Variants in RBFOX1 observed in about 807,000 individuals in gnomAD.
RBFOX1 encodes RNA binding protein fox-1 homolog 1.
A neutral mutation model predicts 57.7 loss-of-function variants in RBFOX1; 8 were observed. The observed-to-expected ratio is 0.14, with a 90% confidence interval of 0.08 to 0.25. The LOEUF (loss-of-function observed/expected upper bound fraction) is 0.25. RBFOX1 is among the 10% of genes least tolerant of loss of function. The pLI, the probability that RBFOX1 is intolerant of heterozygous loss-of-function variation, is 1.00. For synonymous variants in RBFOX1, 326 were observed against 222.4 expected (o/e 1.47, Z -4.15); for missense variants, 611 against 548.5 (o/e 1.11, Z -1.14).
At chr16:6,650,902 ATTGG>A (rs1323079623) in intron 2 of RBFOX1, among the ~76,000 whole-genome samples, 1 of 151,886 alleles carries the variant, frequency 6.6e-6, no homozygotes, top group Non-Finnish European at 1.5e-5. Flanking sequence ...TGTTTAATTG[ATTGG>A]TTGGTTGTTT....
At position 6,950,930 on chromosome 16, in the gene RBFOX1, G is replaced by C. The variant is rs533657456; in HGVS notation, c.-15-101127G>C. Among the ~76,000 whole-genome samples, 155 of 149,474 alleles carry C rather than the reference G, an allele frequency of 1.0e-3. 1 individual carries two copies. Among genetic ancestry groups the C allele is most frequent in the African/African-American group, 3.6e-3 (147 of 40,554 alleles). Reference sequence around the variant, plus strand: ...TCTTTCTCTCTTTTTTTTTGACATAGGATCTTGCTCTGTTTCTCAGGCTGG... The same window carrying C: ...TCTTTCTCTCTTTTTTTTTGACATACGATCTTGCTCTGTTTCTCAGGCTGG... On this transcript the variant is annotated intron_variant, in intron 3 of 15. Transcript: ENST00000550418.
Position 6,931,296 on chromosome 16 carries a change from T to TCTATCTAC in RBFOX1, c.-15-120754_-15-120753insCCTATCTA, listed in dbSNP as rs1172251574. ...ATCTATCTATCTGTCTGTCTGTCTG[T>TCTATCTAC]CTATCTATCTATCTATCTATCTATC... On this transcript the variant is annotated intron_variant, in intron 3 of 15. Coordinates refer to ENST00000550418, the MANE Select transcript of RBFOX1 (RefSeq NM_018723.4). Among the ~76,000 whole-genome samples, 750 of 79,642 alleles carry TCTATCTAC rather than the reference T, an allele frequency of 9.4e-3. 7 individuals carry two copies. Among genetic ancestry groups the TCTATCTAC allele is most frequent in the African/African-American group, 0.033 (684 of 20,810 alleles). The allele number at this position is 79,642 out of a possible 152,430, so 52.2% of individuals were successfully genotyped here. A position where few individuals can be genotyped will look rare whatever the true frequency, so the allele number is the denominator to read the frequency against.
chr16:7,372,128 T>G (rs138634864), intron 4 of RBFOX1, among the ~76,000 whole-genome samples: 1,601 of 152,278 alleles, frequency 0.011, 28 homozygotes, highest in African/African-American at 0.037. Context: ...GTCTCATAAC[T>G]TCCATTTAAA....
chr16:7,450,433 C>G (rs1041172019), intron 4 of RBFOX1, among the ~76,000 whole-genome samples: 1 of 139,738 alleles, frequency 7.2e-6, no homozygotes, highest in Non-Finnish European at 1.5e-5. Context: ...TTACAGAAAG[C>G]AAGTTCAAAA....
chr16:5,998,655 T>C (rs367934173), intron 4 of RBFOX1, among the ~76,000 whole-genome samples: 4 of 152,274 alleles, frequency 2.6e-5, no homozygotes, highest in African/African-American at 9.6e-5. Flanking sequence ...AAATCCTGAG[T>C]GCACTGGTGT....
chr16:5,549,993 C>G (rs1433922572), intron 2 of RBFOX1, among the ~76,000 whole-genome samples: 1 of 152,142 alleles, frequency 6.6e-6, no homozygotes, highest in African/African-American at 2.4e-5. Flanking sequence ...GCATATTGCT[C>G]AATGTCTCAG....
intron 10 of RBFOX1, among the ~76,000 whole-genome samples, chr16:7,613,254 A>G (rs1051268473): frequency 6.6e-6 from 1 of 152,194 alleles, no homozygotes; most frequent in Non-Finnish European, 1.5e-5. Context: ...TGTGGTTTTG[A>G]GAGGGAAAAG....
chr16:6,610,478 C>G (rs766817975), intron 2 of RBFOX1, among the ~76,000 whole-genome samples: 6 of 152,038 alleles, frequency 3.9e-5, no homozygotes, highest in African/African-American at 7.2e-5. Context: ...CAGGTGCATG[C>G]CACCACACTC....
intron 6 of RBFOX1, among the ~76,000 whole-genome samples, chr16:7,583,034 A>T (rs2093895337): frequency 6.6e-6 from 1 of 152,190 alleles, no homozygotes; most frequent in African/African-American, 2.4e-5. Context: ...TATCTTCAGC[A>T]CATCATGAAG....
chr16:6,657,289 C>G (rs896416950), intron 3 of RBFOX1, among the ~76,000 whole-genome samples: 2 of 151,978 alleles, frequency 1.3e-5, no homozygotes, highest in African/African-American at 4.8e-5. Context: ...GCTATAGTTT[C>G]TCTGTTTCTA....
At chr16:5,683,102 A>G (rs1312868636) in intron 3 of RBFOX1, among the ~76,000 whole-genome samples, 4 of 146,310 alleles carry the variant, frequency 2.7e-5, no homozygotes, top group Non-Finnish European at 3.0e-5. Flanking sequence ...TGTTTTTGCT[A>G]AGGTCTTGCC....
chr16:5,459,688 T>C, intron 1 of RBFOX1, among the ~76,000 whole-genome samples: 1 of 152,070 alleles, frequency 6.6e-6, no homozygotes, highest in Non-Finnish European at 1.5e-5. Context: ...GTCATGATCT[T>C]AACCCTTCCT....
At chr16:5,814,619 C>T (rs918066225) in intron 3 of RBFOX1, among the ~76,000 whole-genome samples, 3 of 152,182 alleles carry the variant, frequency 2.0e-5, no homozygotes, top group African/African-American at 7.2e-5. Flanking sequence ...TCTATCCTGC[C>T]ACCTGGCCAT....
intron 4 of RBFOX1, among the ~76,000 whole-genome samples, chr16:7,463,568 C>A (rs556814530): frequency 6.6e-6 from 1 of 152,298 alleles, no homozygotes; most frequent in South Asian, 2.1e-4. Flanking sequence ...TAATCACCTC[C>A]TTAAGGCCCC....
intron 3 of RBFOX1, among the ~76,000 whole-genome samples, chr16:5,856,261 G>GTA (rs34182050): frequency 0.068 from 4,510 of 66,644 alleles, 593 homozygotes; most frequent in African/African-American, 0.24. Flanking sequence ...GTATATATAT[G>GTA]TATATATATA....
chr16:5,240,298 C>T (rs886246665), intron 1 of RBFOX1, among the ~76,000 whole-genome samples: 12 of 152,074 alleles, frequency 7.9e-5, no homozygotes, highest in Non-Finnish European at 1.6e-4. Context: ...GGCTGTGTGG[C>T]TTCGACTTCC....
intron 3 of RBFOX1, among the ~76,000 whole-genome samples, chr16:7,022,363 C>T (rs921477123): frequency 6.6e-6 from 1 of 151,810 alleles, no homozygotes; most frequent in Non-Finnish European, 1.5e-5. Flanking sequence ...GCCGTGAACC[C>T]CATATTCTTA....
At chr16:7,312,161 C>T (rs956582336) in intron 4 of RBFOX1, among the ~76,000 whole-genome samples, 1 of 152,208 alleles carries the variant, frequency 6.6e-6, no homozygotes, top group Non-Finnish European at 1.5e-5. Flanking sequence ...AGGTGGATCA[C>T]TTGAGGTCAG....
At chr16:7,059,779 A>G (rs1203344830) in intron 4 of RBFOX1, among the ~76,000 whole-genome samples, 1 of 152,146 alleles carries the variant, frequency 6.6e-6, no homozygotes, top group Middle Eastern at 3.2e-3. Context: ...CTGCTTGCCA[A>G]GAGTCAGTTG....
Sources: gnomAD v4.1 joint callset for allele counts (sites outside exome capture counted in the v4.1 genomes callset) on GRCh38, gnomAD v4.1.1 for gene constraint, MANE v1.5 for transcripts, NCBI Gene and HGNC (gene_info 2026-07-23, HGNC 2026-07-21) for gene names.